The following USP38 variants were observed in gnomAD, a reference collection of about 807,000 sequenced individuals.
The protein encoded by USP38 is ubiquitin specific peptidase 38, also known as ubiquitin carboxyl-terminal hydrolase 38.
Under a neutral mutation model 94.3 loss-of-function variants are expected in USP38, and 49 were observed. The ratio of observed to expected loss-of-function variants is 0.52; its 90% CI spans 0.41 to 0.66. USP38 has a LOEUF of 0.66. Ranked by LOEUF, USP38 falls within the 30% of genes least tolerant of loss-of-function variation. USP38 has a pLI of 0.00. For synonymous variants in USP38, 468 were observed against 463.6 expected (o/e 1.01, Z -0.12); for missense variants, 1,128 against 1,229.4 (o/e 0.92, Z 1.23).
rs759525436 is a variant in USP38, at chr4:143,203,450, G to T, written c.1093G>T (p.Asp365Tyr). ...TAATTTGGTTCATTCTTTCAAAAAT[G>T]ATGGTCTGCCTTCAAGTACAGCCTT... ...VVNLVHSFKN[D>Y]GLPSSTAFLV... Residue 365 changes from aspartate (D) to tyrosine (Y), a missense_variant, in exon 5 of 10, where the codon GAT (aspartate) becomes TAT (tyrosine). Transcript: ENST00000307017. 9.3e-6 allele frequency: 15 copies of T among 1,612,722 alleles called. No individual in the cohort carries two copies. In the Admixed American group the frequency reaches 2.2e-4, roughly 23 times the overall value.
intron 6 of USP38, among the ~76,000 whole-genome samples, chr4:143,208,543 T>A (rs1360961731): frequency 6.6e-6 from 1 of 152,142 alleles, no homozygotes; most frequent in Non-Finnish European, 1.5e-5. Flanking sequence ...GAAAAATGTC[T>A]CTTAATTTGC....
chr4:143,215,188 A>G (rs1732152065), intron 9 of USP38: 2 of 469,798 alleles, frequency 4.3e-6, no homozygotes, highest in African/African-American at 2.0e-5. Context: ...AAGATGGCTC[A>G]TTCTGAAATC....
In USP38 at chr4:143,214,142, A is replaced by G. The variant is rs1732114636; in HGVS notation, c.2166A>G (p.Leu722=). Residue 722 remains leucine, a synonymous_variant, in exon 9 of 10, where the codon CTA becomes CTG. Transcript: ENST00000307017. Reference sequence around the variant, plus strand: ...CCACACCTTCAGTAACTGACTTACTAAATTATTTTTTGGCTCCAGAGATTC... The same window carrying G: ...CCACACCTTCAGTAACTGACTTACTGAATTATTTTTTGGCTCCAGAGATTC... ...GETTPSVTDL[L]NYFLAPEILT... The G allele has an allele frequency of 6.2e-7, 1 of 1,612,776 alleles. No individual in the cohort carries two copies. Among genetic ancestry groups the G allele is most frequent in the Non-Finnish European group, 8.5e-7 (1 of 1,179,620 alleles).
rs768072618 is a variant in USP38 at position 143,206,094 on chromosome 4, C to G, written c.1271C>G (p.Ser424Cys). The G allele has an allele frequency of 6.2e-7, 1 of 1,613,646 alleles. No individual in the cohort carries two copies. The highest frequency in any genetic ancestry group is 8.5e-7 in the Non-Finnish European group (1 of 1,179,818). ...ATTCTCAATCAAAGTGCCTGGACTT[C>G]TCAATCCAATTCTTTGGCGTCTTGC... Reference protein sequence around the residue: ...KLILNQSAWTSQSNSLASCLS... With the variant: ...KLILNQSAWTCQSNSLASCLS... Residue 424 changes from serine (S) to cysteine (C), a missense_variant, in exon 6 of 10, where the codon TCT becomes TGT. Coordinates refer to ENST00000307017, the MANE Select transcript of USP38 (RefSeq NM_032557.6).
chr4:143,195,953 G>T, intron 3 of USP38, 108 bp downstream of exon 3: 1 of 924,060 alleles, frequency 1.1e-6, no homozygotes, highest in Non-Finnish European at 1.5e-6. Flanking sequence ...TGTTATTGTT[G>T]TTTTGTTTTG....
rs553331826 is a variant in USP38 at position 143,204,948 on chromosome 4, T to A, written c.1210-1085T>A. Among the ~76,000 whole-genome samples the A allele has an allele frequency of 1.1e-4, 16 of 152,266 alleles. No homozygotes were observed. In the South Asian group the frequency reaches 3.3e-3, roughly 32 times the overall value. ...TATCATTAACTAAATCAAACTTATTTTGGTTGAGCTCAGAACACAAAGACT... is the reference window on the plus strand; with the variant it reads ...TATCATTAACTAAATCAAACTTATTATGGTTGAGCTCAGAACACAAAGACT... On this transcript the variant is annotated intron_variant, in intron 5 of 9. Transcript: ENST00000307017.
intron 4 of USP38, among the ~76,000 whole-genome samples, chr4:143,201,645 G>A (rs1294794852): frequency 6.6e-6 from 1 of 151,972 alleles, no homozygotes; most frequent in African/African-American, 2.4e-5. Flanking sequence ...TAGAATATGT[G>A]GTGTTATGGG....
intron 4 of USP38, 21 bp from the exon 5 acceptor site, chr4:143,203,387 T>G (rs1174936485): frequency 6.9e-6 from 11 of 1,601,176 alleles, no homozygotes; most frequent in Non-Finnish European, 9.4e-6. Flanking sequence ...TTCAGCATTG[T>G]TTATCCTTTT....
intron 9 of USP38, 111 bp downstream of exon 9, chr4:143,215,054 T>C (rs777864755): frequency 2.9e-5 from 31 of 1,059,996 alleles, no homozygotes; most frequent in East Asian, 5.2e-5. Flanking sequence ...TTCTGAAATA[T>C]AGGTCTGGAT....
At chr4:143,188,481 AC>A (rs1731296811) in intron 2 of USP38, among the ~76,000 whole-genome samples, 1 of 152,022 alleles carries the variant, frequency 6.6e-6, no homozygotes, top group Non-Finnish European at 1.5e-5. Flanking sequence ...ATACTGTATT[AC>A]CTTTGGGCAT....
intron 4 of USP38, among the ~76,000 whole-genome samples, chr4:143,201,763 TAAATA>T (rs1457036693): frequency 6.6e-6 from 1 of 152,164 alleles, no homozygotes; most frequent in Admixed American, 6.5e-5. Context: ...AGCTTCTAAT[TAAATA>T]AGTTTTATAC....
chr4:143,194,934 T>C (rs1014204484), intron 2 of USP38, among the ~76,000 whole-genome samples: 1 of 151,920 alleles, frequency 6.6e-6, no homozygotes, highest in Non-Finnish European at 1.5e-5. Flanking sequence ...ATTTAATGAG[T>C]TTTCTTTCAA....
At chr4:143,204,805 C>T (rs1440567776) in intron 5 of USP38, among the ~76,000 whole-genome samples, 2 of 152,154 alleles carry the variant, frequency 1.3e-5, no homozygotes, top group Non-Finnish European at 2.9e-5. Context: ...CAAACTCAAT[C>T]AGAAATTATT....
intron 9 of USP38, among the ~76,000 whole-genome samples, chr4:143,219,010 A>T (rs1471341086): frequency 6.6e-6 from 1 of 152,112 alleles, no homozygotes; most frequent in African/African-American, 2.4e-5. Context: ...ATAAATTAAT[A>T]TATATATCAC....
intron 6 of USP38, among the ~76,000 whole-genome samples, chr4:143,206,722 T>C (rs1295308662): frequency 4.6e-5 from 7 of 152,176 alleles, no homozygotes. Context: ...ATTCTGCTTA[T>C]TATTCATTGC....
chr4:143,204,396 CTT>C (rs754708719), intron 5 of USP38: 680 of 395,054 alleles, frequency 1.7e-3, no homozygotes, highest in East Asian at 3.6e-3. Flanking sequence ...CTAAAAAGCA[CTT>C]TTTTTTTTTT....
Position 143,206,336 on chromosome 4 carries a change from G to A in USP38, c.1403+110G>A, listed in dbSNP as rs1385893853. On this transcript the variant is annotated intron_variant, in intron 6 of 9. Transcript: ENST00000307017. Reference sequence around the variant, plus strand: ...ATTATTCCTTATAAATGGCATAAATGTTAACTTTGATTGCCTTATTCAGAA... The same window carrying A: ...ATTATTCCTTATAAATGGCATAAATATTAACTTTGATTGCCTTATTCAGAA... 4 of 947,984 alleles carry A rather than the reference G, an allele frequency of 4.2e-6. No individual in the cohort carries two copies. The African/African-American group carries it at 6.8e-5, about 16-fold the overall frequency. 58.7% of individuals were successfully genotyped at this position (947,984 alleles called of 1,614,324 possible). A position where few individuals can be genotyped will look rare whatever the true frequency, so the allele number is the denominator to read the frequency against.
Position 143,212,332 on chromosome 4 carries a change from A to C in USP38, c.1512A>C (p.Ala504=). The C allele has an allele frequency of 6.2e-7, 1 of 1,610,612 alleles. No homozygotes were observed. Among genetic ancestry groups the C allele is most frequent in the Non-Finnish European group, 8.5e-7 (1 of 1,178,270 alleles). ...FLAHTQREAY[A]PRIFFEASRP... ...GCTCTCAAAAGAGGGAAGCATACGC[A>C]CCTCGGATATTCTTTGAGGCTTCCA... Residue 504 remains alanine (A), a synonymous_variant, in exon 8 of 10, where the codon GCA becomes GCC. Coordinates refer to ENST00000307017, the MANE Select transcript of USP38 (RefSeq NM_032557.6).
intron 4 of USP38, 131 bp from the exon 5 acceptor site, chr4:143,203,277 A>G (rs1731766030): frequency 1.1e-6 from 1 of 926,052 alleles, no homozygotes; most frequent in Admixed American, 3.0e-5. Context: ...CTTAATAACA[A>G]GAAAAACTCT....
Sources: gnomAD v4.1 joint callset for allele counts (sites outside exome capture counted in the v4.1 genomes callset) on GRCh38, gnomAD v4.1.1 for gene constraint, MANE v1.5 for transcripts, NCBI Gene and HGNC (gene_info 2026-07-23, HGNC 2026-07-21) for gene names.